Variants in KALRN observed in about 807,000 individuals in gnomAD.
KALRN encodes kalirin.
A neutral mutation model predicts 353.7 loss-of-function variants in KALRN; 70 were observed. The ratio of observed to expected loss-of-function variants is 0.20; its 90% CI spans 0.16 to 0.24. KALRN has a LOEUF of 0.24. KALRN is among the 10% of genes least tolerant of loss of function. The pLI is 1.00. For missense variants in KALRN, 2,791 were observed against 3,756.7 expected (o/e 0.74, Z 6.72); for synonymous variants, 1,391 against 1,434.8 (o/e 0.97, Z 0.69).
chr3:124,347,690 A>G (rs1032698135), intron 10 of KALRN, among the ~76,000 whole-genome samples: 1 of 152,152 alleles, frequency 6.6e-6, no homozygotes, highest in Non-Finnish European at 1.5e-5. Context: ...TGTCACTGCC[A>G]GTGAGTGAGA....
chr3:124,252,403 A>C (rs966630123), intron 3 of KALRN, among the ~76,000 whole-genome samples: 5 of 152,226 alleles, frequency 3.3e-5, no homozygotes, highest in African/African-American at 7.2e-5. Flanking sequence ...AAGAAGAAGC[A>C]TGAATGTTTC....
At chr3:124,232,714 A>G (rs1258593421) in intron 2 of KALRN, among the ~76,000 whole-genome samples, 3 of 152,082 alleles carry the variant, frequency 2.0e-5, no homozygotes, top group Non-Finnish European at 4.4e-5. Flanking sequence ...ACACTTCTGG[A>G]TGTGGGGAAT....
intron 32 of KALRN, among the ~76,000 whole-genome samples, chr3:124,494,399 C>T (rs2063497793): frequency 6.6e-6 from 1 of 152,218 alleles, no homozygotes; most frequent in Non-Finnish European, 1.5e-5. Context: ...CCAGAAGGGC[C>T]CACCATGGGC....
At chr3:124,496,014 C>CATATATATATATATATATATAT (rs1433558735) in intron 32 of KALRN, among the ~76,000 whole-genome samples, 4 of 27,438 alleles carry the variant, frequency 1.5e-4, no homozygotes, top group African/African-American at 5.9e-4. Context: ...TATATATATA[C>CATATATATATATATATATATAT]ACACACATAT....
chr3:124,176,017 C>T (rs542886940), intron 1 of KALRN, among the ~76,000 whole-genome samples: 2 of 152,202 alleles, frequency 1.3e-5, no homozygotes, highest in Non-Finnish European at 2.9e-5. Flanking sequence ...AGGTTTTAGA[C>T]CCAGTAGCCC....
chr3:124,637,213 C>T lies in KALRN; in HGVS notation c.5574C>T (p.Ser1858=), dbSNP rs146095285. Residue 1858 remains serine, a synonymous_variant, in exon 37 of 60, where the codon TCC becomes TCT. Coordinates refer to ENST00000682506, the MANE Select transcript of KALRN (RefSeq NM_001388419.1). ...TGCTGCCCGATGTCTTGCAGTCCTC[C>T]TCTTTGCTAGCAGCCCGGCAGGCTT... ...DNDPTQDEMS[S]SLLAARQAST... 5.0e-6 allele frequency: 8 copies of T among 1,613,580 alleles called. No homozygotes were observed. Among genetic ancestry groups the T allele is most frequent in the African/African-American group, 1.3e-5 (1 of 74,926 alleles).
chr3:124,565,579 A>G lies in KALRN; in HGVS notation c.5182+2490A>G, dbSNP rs185066742. ...AAGTCCAGTTGAGAGACCCATCTGC[A>G]GAGACAAAATCAAGCACAGCAATTC... On this transcript the variant is annotated intron_variant, in intron 34 of 59. Coordinates refer to ENST00000682506, the MANE Select transcript of KALRN (RefSeq NM_001388419.1). Among the ~76,000 whole-genome samples, 4 of 152,374 alleles carry G rather than the reference A, an allele frequency of 2.6e-5. No individual in the cohort carries two copies. The East Asian group carries it at 7.7e-4, about 29-fold the overall frequency.
intron 58 of KALRN, among the ~76,000 whole-genome samples, chr3:124,714,877 A>G (rs1163835511): frequency 1.3e-5 from 2 of 152,120 alleles, no homozygotes; most frequent in Non-Finnish European, 2.9e-5. Flanking sequence ...TTAGCTGGAC[A>G]TGGTGGCAGG....
chr3:124,606,373 G>A (rs1189729491), intron 34 of KALRN, among the ~76,000 whole-genome samples: 1 of 152,190 alleles, frequency 6.6e-6, no homozygotes, highest in Non-Finnish European at 1.5e-5. Flanking sequence ...AATCTCACAT[G>A]TCTGACAAGC....
At chr3:124,656,896 C>T (rs572261831) in intron 39 of KALRN, among the ~76,000 whole-genome samples, 10 of 151,954 alleles carry the variant, frequency 6.6e-5, no homozygotes, top group East Asian at 3.9e-4. Flanking sequence ...GAGTAGAGGA[C>T]GAGGGAATCT....
At chr3:124,662,971 T>A (rs1472292506) in intron 45 of KALRN, among the ~76,000 whole-genome samples, 1 of 152,166 alleles carries the variant, frequency 6.6e-6, no homozygotes, top group Admixed American at 6.5e-5. Context: ...GTTTCCTTTT[T>A]TTTTTAAACA....
At chr3:124,339,005 G>A (rs1012746533) in intron 9 of KALRN, among the ~76,000 whole-genome samples, 22 of 152,300 alleles carry the variant, frequency 1.4e-4, no homozygotes, top group African/African-American at 4.1e-4. Context: ...TTATCAGGCC[G>A]TGTTCTACAT....
intron 1 of KALRN, chr3:124,095,662 AAATATTAATGC>A (rs2061400318): frequency 6.6e-6 from 1 of 152,268 alleles, no homozygotes; most frequent in Non-Finnish European, 1.5e-5. Context: ...ACATTTTATC[AAATATTAATGC>A]AATTAAAGTC....
intron 33 of KALRN, among the ~76,000 whole-genome samples, chr3:124,559,903 T>C (rs2109803335): frequency 6.6e-6 from 1 of 152,376 alleles, no homozygotes; most frequent in African/African-American, 2.4e-5. Context: ...TAATGGCTTT[T>C]GGGCTGTATC....
intron 5 of KALRN, among the ~76,000 whole-genome samples, chr3:124,296,180 T>G (rs1228021239): frequency 6.6e-6 from 1 of 152,216 alleles, no homozygotes; most frequent in Non-Finnish European, 1.5e-5. Context: ...TCTCCTGACC[T>G]TTAGACACAA....
chr3:124,389,788 G>A (rs562190415), intron 11 of KALRN, among the ~76,000 whole-genome samples: 32 of 152,238 alleles, frequency 2.1e-4, no homozygotes, highest in Admixed American at 1.9e-3. Flanking sequence ...TTTACCAGAA[G>A]TAAATATGCC....
chr3:124,454,657 C>G (rs571483137), intron 21 of KALRN, among the ~76,000 whole-genome samples: 2 of 120,074 alleles, frequency 1.7e-5, no homozygotes, highest in South Asian at 3.2e-4. Flanking sequence ...TTCAACCAAC[C>G]ATGAACTGAA....
At chr3:124,642,807 T>TTTTTTTGTTGTTGTTGTTTTTTTG (rs1553707040) in intron 37 of KALRN, among the ~76,000 whole-genome samples, 1 of 87,622 alleles carries the variant, frequency 1.1e-5, no homozygotes. Context: ...CCAAGCCTCG[T>TTTTTTTGTTGTTGTTGTTTTTTTG]TTTTTTTTTT....
intron 3 of KALRN, among the ~76,000 whole-genome samples, chr3:124,256,999 A>G (rs1028209786): frequency 1.3e-5 from 2 of 152,184 alleles, no homozygotes; most frequent in Non-Finnish European, 2.9e-5. Flanking sequence ...AAAGAACCAG[A>G]CATTTACTCC....
Sources: gnomAD v4.1 joint callset for allele counts (sites outside exome capture counted in the v4.1 genomes callset) on GRCh38, gnomAD v4.1.1 for gene constraint, MANE v1.5 for transcripts, NCBI Gene and HGNC (gene_info 2026-07-23, HGNC 2026-07-21) for gene names.